Variants in FGGY observed in about 807,000 individuals in gnomAD.
FGGY encodes the protein FGGY carbohydrate kinase domain containing.
A neutral mutation model predicts 71.3 loss-of-function variants in FGGY; 72 were observed. That is an observed-to-expected ratio of 1.01 (90% confidence interval 0.84 to 1.23). The LOEUF is 1.23. Ranked by LOEUF, FGGY falls within the 50% of genes most tolerant of loss-of-function variation. The pLI, the probability that FGGY is intolerant of heterozygous loss-of-function variation, is 0.00. For missense variants in FGGY, 668 were observed against 682.3 expected, an observed-to-expected ratio of 0.98 and a Z score of 0.23; for synonymous variants, 251 against 250.3, an observed-to-expected ratio of 1.00 and a Z score of -0.02.
rs12566469 is a variant in FGGY at position 59,390,366 on chromosome 1, G to A, written c.554+11529G>A. On this transcript the variant is annotated intron_variant, in intron 5 of 15. Coordinates refer to ENST00000303721, the MANE Select transcript of FGGY (RefSeq NM_018291.5). ...GTGATTTCCCCATAAAGTCATCAAG[G>A]ACACTAGCTTTTTTGATGTTTTTTA... Among the ~76,000 whole-genome samples the A allele has an allele frequency of 3.7e-3, 556 of 152,190 alleles. 17 individuals are homozygous for A. The East Asian group carries it at 0.062, about 17-fold the overall frequency.
At chr1:59,374,546 A>G (rs925588721) in intron 4 of FGGY, among the ~76,000 whole-genome samples, 1 of 152,104 alleles carries the variant, frequency 6.6e-6, no homozygotes, top group East Asian at 1.9e-4. Context: ...CAGCCATCCC[A>G]TTACTGGGTA....
chr1:59,652,852 T>C (rs1414668171), intron 11 of FGGY, among the ~76,000 whole-genome samples: 1 of 152,234 alleles, frequency 6.6e-6, no homozygotes, highest in East Asian at 1.9e-4. Flanking sequence ...TTTCCAGTTT[T>C]TCTGTTCTGT....
intron 14 of FGGY, among the ~76,000 whole-genome samples, chr1:59,675,129 A>G (rs1290533692): frequency 1.3e-5 from 2 of 152,198 alleles, no homozygotes; most frequent in Non-Finnish European, 2.9e-5. Context: ...TAAATGCCAG[A>G]ATCAAGAAGT....
chr1:59,533,316 C>A (rs1256968760), intron 7 of FGGY, among the ~76,000 whole-genome samples: 1 of 152,178 alleles, frequency 6.6e-6, no homozygotes, highest in African/African-American at 2.4e-5. Flanking sequence ...AACAGCACAC[C>A]AGATTATATC....
At chr1:59,438,042 A>G (rs1225622569) in intron 5 of FGGY, among the ~76,000 whole-genome samples, 4 of 152,250 alleles carry the variant, frequency 2.6e-5, no homozygotes, top group Non-Finnish European at 5.9e-5. Flanking sequence ...AAGTGAAGAA[A>G]TACGACTGCT....
intron 4 of FGGY, among the ~76,000 whole-genome samples, chr1:59,360,317 T>C (rs1325588424): frequency 6.6e-6 from 1 of 152,120 alleles, no homozygotes; most frequent in Non-Finnish European, 1.5e-5. Context: ...GAGTGAAGCC[T>C]ACTGCAGTTG....
Position 59,496,026 on chromosome 1 carries a change from A to G in FGGY, c.671-16285A>G, listed in dbSNP as rs1001216965. ...TTTTTCTAGTTCTGTGAAAAATGTC[A>G]TTGGCAGTTTGATGGGAATAGCATT... On this transcript the variant is annotated intron_variant, in intron 6 of 15. Transcript: ENST00000303721. Among the ~76,000 whole-genome samples the G allele has an allele frequency of 2.6e-5, 4 of 152,276 alleles. No homozygotes were observed. The East Asian group carries it at 5.8e-4, about 22-fold the overall frequency.
intron 6 of FGGY, among the ~76,000 whole-genome samples, chr1:59,500,353 G>A (rs2094185608): frequency 1.3e-5 from 2 of 152,016 alleles, no homozygotes; most frequent in South Asian, 2.1e-4. Flanking sequence ...CAGCTTGTTA[G>A]GCATGAGTGT....
chr1:59,533,239 G>A (rs2095207760), intron 7 of FGGY, among the ~76,000 whole-genome samples: 1 of 146,390 alleles, frequency 6.8e-6, no homozygotes, highest in East Asian at 2.0e-4. Flanking sequence ...TCAAAGAAAG[G>A]GGTGACAGCA....
intron 7 of FGGY, among the ~76,000 whole-genome samples, chr1:59,535,448 C>G (rs1394891247): frequency 2.0e-5 from 3 of 152,000 alleles, no homozygotes; most frequent in Admixed American, 6.6e-5. Flanking sequence ...ACAAGGATAC[C>G]CAGGAATTGA....
chr1:59,534,853 A>G (rs1311341607), intron 7 of FGGY, among the ~76,000 whole-genome samples: 4 of 152,196 alleles, frequency 2.6e-5, no homozygotes, highest in Non-Finnish European at 5.9e-5. Flanking sequence ...GAAAGGAAAA[A>G]CCAGTACCAG....
intron 4 of FGGY, among the ~76,000 whole-genome samples, chr1:59,368,529 AC>A (rs1192114174): frequency 6.6e-6 from 1 of 152,114 alleles, no homozygotes; most frequent in Non-Finnish European, 1.5e-5. Context: ...CCTCTGCATC[AC>A]TCTGTAGATT....
rs575277507 is a variant in FGGY at position 59,526,531 on chromosome 1, T to C, written c.799+14092T>C. ...AAAAATCCTAATACAACTTGCATAC[T>C]GCTTTTCCAGGCGGTGTAAAAATGT... On this transcript the variant is annotated intron_variant, in intron 7 of 15. Transcript: ENST00000303721. Among the ~76,000 whole-genome samples the C allele has an allele frequency of 5.9e-5, 9 of 152,350 alleles. No individual in the cohort carries two copies. The East Asian group carries it at 1.7e-3, about 29-fold the overall frequency.
intron 5 of FGGY, among the ~76,000 whole-genome samples, chr1:59,448,290 T>A (rs1165905509): frequency 6.6e-6 from 1 of 152,228 alleles, no homozygotes; most frequent in Non-Finnish European, 1.5e-5. Flanking sequence ...CAATCTGGCA[T>A]CTTTAATCAG....
chr1:59,575,964 T>C (rs2096068840), intron 8 of FGGY, among the ~76,000 whole-genome samples: 1 of 152,170 alleles, frequency 6.6e-6, no homozygotes, highest in African/African-American at 2.4e-5. Context: ...CAAGATCATA[T>C]CATCTGCAAA....
intron 7 of FGGY, among the ~76,000 whole-genome samples, chr1:59,537,325 C>G (rs535601985): frequency 0.029 from 4,367 of 152,158 alleles, 213 homozygotes; most frequent in African/African-American, 0.1. Flanking sequence ...GAACTACAAA[C>G]CACTGCTCAA....
At chr1:59,576,584 C>T (rs1009740001) in intron 8 of FGGY, among the ~76,000 whole-genome samples, 6 of 151,858 alleles carry the variant, frequency 4.0e-5, no homozygotes, top group South Asian at 2.1e-4. Context: ...TAAGCATTCT[C>T]ATCTTATTTC....
At chr1:59,356,637 A>T (rs2054366445) in intron 4 of FGGY, among the ~76,000 whole-genome samples, 1 of 152,246 alleles carries the variant, frequency 6.6e-6, no homozygotes, top group Non-Finnish European at 1.5e-5. Context: ...GGATGAACTT[A>T]TTAAATCATC....
At chr1:59,342,607 A>G (rs1407065820) in intron 3 of FGGY, among the ~76,000 whole-genome samples, 3 of 152,174 alleles carry the variant, frequency 2.0e-5, no homozygotes, top group Admixed American at 1.3e-4. Context: ...TTTATCTGAA[A>G]TGAATTATCC....
Sources: gnomAD v4.1 joint callset for allele counts (sites outside exome capture counted in the v4.1 genomes callset) on GRCh38, gnomAD v4.1.1 for gene constraint, MANE v1.5 for transcripts, NCBI Gene and HGNC (gene_info 2026-07-23, HGNC 2026-07-21) for gene names.